DPYD: variants seen among roughly 807,000 people sequenced by gnomAD.
The protein encoded by DPYD is dihydropyrimidine dehydrogenase [NADP(+)].
In DPYD, 109 loss-of-function variants were observed where a neutral mutation model predicts 116.2. That is an observed-to-expected ratio of 0.94 (90% CI 0.80 to 1.10). The LOEUF (loss-of-function observed/expected upper bound fraction) is 1.10, where lower values mean the gene tolerates loss of function less well. DPYD is among the 50% of genes least tolerant of loss of function. The pLI, the probability that DPYD is intolerant of heterozygous loss-of-function variation, is 0.00. For missense variants in DPYD, 1,302 were observed against 1,254.5 expected (o/e 1.04, Z -0.57); for synonymous variants, 440 against 432.0 (o/e 1.02, Z -0.23).
rs1346639561 is a variant in DPYD, at chr1:97,639,482, TCTTA to T, written c.850+39609_850+39612del. ...GTTGCTTTCCTTCATCTTATATTTT[TCTTA>T]CTTATATAAATTTTGGAAAAAAAAT... On this transcript the variant is annotated intron_variant, in intron 8 of 22. Coordinates refer to ENST00000370192, the MANE Select transcript of DPYD (RefSeq NM_000110.4). Among the ~76,000 whole-genome samples the T allele has an allele frequency of 2.6e-5, 4 of 152,144 alleles. No individual in the cohort carries two copies. In the East Asian group the frequency reaches 7.7e-4, roughly 29 times the overall value.
intron 20 of DPYD, among the ~76,000 whole-genome samples, chr1:97,188,476 A>C (rs570930893): frequency 5.1e-4 from 77 of 152,316 alleles, no homozygotes; most frequent in African/African-American, 1.8e-3. Context: ...AGGTGCTTGC[A>C]AACTCCAGTA....
intron 11 of DPYD, among the ~76,000 whole-genome samples, chr1:97,553,533 G>A (rs1431271551): frequency 6.6e-6 from 1 of 151,974 alleles, no homozygotes; most frequent in Non-Finnish European, 1.5e-5. Context: ...CTTCTGTTCT[G>A]TCTTTACCCA....
chr1:97,867,560 G>A (rs1419244250), intron 2 of DPYD, among the ~76,000 whole-genome samples: 1 of 151,814 alleles, frequency 6.6e-6, no homozygotes, highest in East Asian at 1.9e-4. Context: ...TGCAAGGATG[G>A]TTCAACATAC....
At chr1:97,262,792 C>G (rs1663973918) in intron 18 of DPYD, among the ~76,000 whole-genome samples, 1 of 152,014 alleles carries the variant, frequency 6.6e-6, no homozygotes. Context: ...CAGGTTCATT[C>G]TGGATCCATG....
At chr1:97,601,226 A>T (rs563027433) in intron 8 of DPYD, among the ~76,000 whole-genome samples, 1 of 152,170 alleles carries the variant, frequency 6.6e-6, no homozygotes, top group East Asian at 1.9e-4. Context: ...GGTTCTTTGG[A>T]AAATTAGGTA....
chr1:97,655,894 A>G (rs1166439769), intron 8 of DPYD, among the ~76,000 whole-genome samples: 1 of 152,188 alleles, frequency 6.6e-6, no homozygotes, highest in Non-Finnish European at 1.5e-5. Context: ...AATCAGGATG[A>G]AAAGGGTTAG....
intron 14 of DPYD, among the ~76,000 whole-genome samples, chr1:97,412,889 C>T (rs953610164): frequency 1.2e-4 from 19 of 152,124 alleles, no homozygotes; most frequent in Non-Finnish European, 7.4e-5. Context: ...TGTCCTTCCC[C>T]CACACCACCC....
chr1:97,237,027 G>C (rs1372627331), intron 18 of DPYD, among the ~76,000 whole-genome samples: 1 of 151,692 alleles, frequency 6.6e-6, no homozygotes, highest in Non-Finnish European at 1.5e-5. Context: ...GACCAGCCTG[G>C]CCAACAGTTT....
chr1:97,086,750 T>A (rs1649547648), intron 21 of DPYD, among the ~76,000 whole-genome samples: 1 of 1,076 alleles, frequency 9.3e-4, no homozygotes, highest in Non-Finnish European at 4.3e-3. Flanking sequence ...TGAACCATTG[T>A]AAAATAAAAA....
In DPYD at chr1:97,873,960, G is replaced by C. The variant is rs571546852; in HGVS notation, c.150+9304C>G. ...GTAAAATATGAAAAATAGTATGTTA[G>C]ATGGCAATATGTTCTATGAAGAAAA... On this transcript the variant is annotated intron_variant, in intron 2 of 22. Coordinates refer to ENST00000370192, the MANE Select transcript of DPYD (RefSeq NM_000110.4). Among the ~76,000 whole-genome samples the C allele has an allele frequency of 5.3e-5, 8 of 152,012 alleles. No homozygotes were observed. The South Asian group carries it at 1.7e-3, about 32-fold the overall frequency.
At chr1:97,895,502 T>C (rs905536270) in intron 1 of DPYD, among the ~76,000 whole-genome samples, 1 of 151,848 alleles carries the variant, frequency 6.6e-6, no homozygotes, top group African/African-American at 2.4e-5. Context: ...TAGTTGCCCT[T>C]CATCTATATG....
chr1:97,704,398 C>A (rs1362864004), intron 5 of DPYD, among the ~76,000 whole-genome samples: 2 of 151,132 alleles, frequency 1.3e-5, no homozygotes, highest in Admixed American at 1.3e-4. Context: ...CTTTAAACTG[C>A]CAATGAATAG....
At chr1:97,269,245 A>T (rs1664423788) in intron 18 of DPYD, among the ~76,000 whole-genome samples, 1 of 152,090 alleles carries the variant, frequency 6.6e-6, no homozygotes, top group Admixed American at 6.5e-5. Context: ...GCCCCTTACC[A>T]TCCACATTTC....
intron 20 of DPYD, among the ~76,000 whole-genome samples, chr1:97,119,717 G>A (rs1652274123): frequency 6.7e-6 from 1 of 149,482 alleles, no homozygotes; most frequent in Non-Finnish European, 1.5e-5. Context: ...AATCACTCTT[G>A]TCACTTCTAG....
intron 18 of DPYD, among the ~76,000 whole-genome samples, chr1:97,289,921 C>T (rs917344202): frequency 5.9e-5 from 9 of 151,800 alleles, no homozygotes; most frequent in Non-Finnish European, 2.9e-5. Flanking sequence ...GATGACATGA[C>T]TGTATATCTA....
chr1:97,665,966 A>G (rs921922607), intron 8 of DPYD, among the ~76,000 whole-genome samples: 2 of 152,226 alleles, frequency 1.3e-5, no homozygotes, highest in South Asian at 2.1e-4. Context: ...GTGAAAAGGA[A>G]AAGTTAAAGA....
chr1:97,646,999 T>C (rs1031043066), intron 8 of DPYD, among the ~76,000 whole-genome samples: 6 of 152,100 alleles, frequency 3.9e-5, no homozygotes, highest in Admixed American at 6.6e-5. Context: ...CAAAGTGCCC[T>C]TGTATCTGAT....
At chr1:97,480,929 G>A (rs1237081667) in intron 13 of DPYD, among the ~76,000 whole-genome samples, 1 of 152,006 alleles carries the variant, frequency 6.6e-6, no homozygotes, top group African/African-American at 2.4e-5. Context: ...GCAGTGAGCC[G>A]AGATCATGCC....
chr1:97,741,597 A>C (rs1452788783), intron 3 of DPYD, among the ~76,000 whole-genome samples: 1 of 152,280 alleles, frequency 6.6e-6, no homozygotes, highest in East Asian at 1.9e-4. Flanking sequence ...TTGCACATTA[A>C]CTTATGTGTG....
Sources: gnomAD v4.1 joint callset for allele counts (sites outside exome capture counted in the v4.1 genomes callset) on GRCh38, gnomAD v4.1.1 for gene constraint, MANE v1.5 for transcripts, NCBI Gene and HGNC (gene_info 2026-07-23, HGNC 2026-07-21) for gene names.